Variants in FGF12 observed in about 807,000 individuals in gnomAD.
The protein encoded by FGF12 is fibroblast growth factor 12.
FGF12 carries 14 observed loss-of-function variants against 23.6 expected under a neutral mutation model. That is an observed-to-expected ratio of 0.59 (90% CI 0.39 to 0.93). FGF12 has a LOEUF of 0.93. Among genes scored for constraint, FGF12 ranks in the 40% least tolerant of loss-of-function variants. The pLI is 0.00. For synonymous variants in FGF12, 62 were observed against 77.3 expected (o/e 0.80, Z 1.04); for missense variants, 175 against 217.8 (o/e 0.80, Z 1.24).
intron 2 of FGF12, among the ~76,000 whole-genome samples, chr3:192,575,528 G>C (rs778131716): frequency 1.3e-5 from 2 of 152,168 alleles, no homozygotes; most frequent in Non-Finnish European, 2.9e-5. Flanking sequence ...GAAAGAGGAG[G>C]AAGAGGAGGA....
At chr3:192,165,279 T>C (rs993649976) in intron 5 of FGF12, among the ~76,000 whole-genome samples, 1 of 150,536 alleles carries the variant, frequency 6.6e-6, no homozygotes, top group Non-Finnish European at 1.5e-5. Context: ...ATGTAAGTTA[T>C]GGCTAGGATG....
intron 2 of FGF12, among the ~76,000 whole-genome samples, chr3:192,599,441 A>C (rs1714016228): frequency 6.6e-6 from 1 of 151,982 alleles, no homozygotes; most frequent in Non-Finnish European, 1.5e-5. Flanking sequence ...TACCTGTTAA[A>C]TGTTACCTAC....
At chr3:192,331,598 C>T (rs1717127038) in intron 4 of FGF12, among the ~76,000 whole-genome samples, 5 of 151,946 alleles carry the variant, frequency 3.3e-5, no homozygotes, top group Admixed American at 2.6e-4. Flanking sequence ...TTACAAAATG[C>T]ACAAATACTG....
intron 4 of FGF12, among the ~76,000 whole-genome samples, chr3:192,262,421 G>A (rs760432768): frequency 7.2e-4 from 109 of 152,258 alleles, no homozygotes; most frequent in Non-Finnish European, 1.4e-3. Context: ...AGATCTGACT[G>A]CAGACAGTTA....
chr3:192,672,302 T>A (rs1057127850), intron 2 of FGF12, among the ~76,000 whole-genome samples: 1 of 151,172 alleles, frequency 6.6e-6, no homozygotes, highest in South Asian at 2.1e-4. Context: ...AAAAATAAGA[T>A]TTTCCTGTTG....
At chr3:192,236,869 G>A (rs1167688674) in intron 4 of FGF12, among the ~76,000 whole-genome samples, 2 of 152,106 alleles carry the variant, frequency 1.3e-5, no homozygotes, top group African/African-American at 4.8e-5. Context: ...ATTTGATCCT[G>A]TCCTCATGTT....
chr3:192,561,776 C>T (rs542012140), intron 2 of FGF12, among the ~76,000 whole-genome samples: 1 of 152,118 alleles, frequency 6.6e-6, no homozygotes, highest in South Asian at 2.1e-4. Flanking sequence ...AAAATAGTAT[C>T]AGATTGTTTG....
chr3:192,548,025 C>T (rs997501513), intron 2 of FGF12, among the ~76,000 whole-genome samples: 6 of 152,128 alleles, frequency 3.9e-5, no homozygotes, highest in Non-Finnish European at 8.8e-5. Context: ...AAAAACTTTC[C>T]AACTACTACA....
At chr3:192,185,795 G>A (rs1716426838) in intron 4 of FGF12, among the ~76,000 whole-genome samples, 1 of 151,834 alleles carries the variant, frequency 6.6e-6, no homozygotes, top group Admixed American at 6.6e-5. Context: ...GGAGGCGGAG[G>A]TGGCAATGAG....
chr3:192,591,238 C>T (rs556787618), intron 2 of FGF12, among the ~76,000 whole-genome samples: 3 of 151,048 alleles, frequency 2.0e-5, no homozygotes, highest in African/African-American at 7.3e-5. Flanking sequence ...TACTTGAGTG[C>T]TCCTGGGGAT....
At chr3:192,650,597 G>A (rs144184521) in intron 2 of FGF12, among the ~76,000 whole-genome samples, 67 of 152,114 alleles carry the variant, frequency 4.4e-4, no homozygotes, top group Non-Finnish European at 4.4e-5. Flanking sequence ...TACATTTTTA[G>A]TCTGTCTATA....
rs533345381 is a variant in FGF12, at chr3:192,217,002, G to C, written c.229-46346C>G. Among the ~76,000 whole-genome samples, 10 of 152,264 alleles carry C rather than the reference G, an allele frequency of 6.6e-5. No homozygotes were observed. The South Asian group carries it at 2.1e-3, about 32-fold the overall frequency. On this transcript the variant is annotated intron_variant, in intron 4 of 5. Coordinates refer to ENST00000445105, the MANE Select transcript of FGF12 (RefSeq NM_004113.6). The stretch of plus-strand genomic sequence containing the variant: ...TTTTATTTATAATCTGTGCAGCAAG[G>C]AAAGCATGTTTACTGAGTGGCACTT...
chr3:192,200,956 A>G (rs766237823), intron 4 of FGF12, among the ~76,000 whole-genome samples: 42 of 152,174 alleles, frequency 2.8e-4, no homozygotes, highest in Middle Eastern at 3.2e-3. Flanking sequence ...AGAGATGGTA[A>G]AAGTATCCTG....
intron 2 of FGF12, among the ~76,000 whole-genome samples, chr3:192,430,699 G>A (rs1721836555): frequency 6.6e-6 from 1 of 152,120 alleles, no homozygotes; most frequent in Non-Finnish European, 1.5e-5. Context: ...GTCCTATTAT[G>A]CCTGAAGTAA....
chr3:192,642,291 C>T (rs1388830365), intron 2 of FGF12, among the ~76,000 whole-genome samples: 1 of 152,164 alleles, frequency 6.6e-6, no homozygotes, highest in Non-Finnish European at 1.5e-5. Context: ...GGAAACCAGG[C>T]TCCGAGAATT....
intron 4 of FGF12, among the ~76,000 whole-genome samples, chr3:192,254,874 A>G (rs1194931356): frequency 6.6e-6 from 1 of 152,108 alleles, no homozygotes; most frequent in East Asian, 1.9e-4. Flanking sequence ...ATGAACACAT[A>G]TAAAACTCCT....
intron 4 of FGF12, among the ~76,000 whole-genome samples, chr3:192,227,432 C>T (rs1718791955): frequency 6.6e-6 from 1 of 151,946 alleles, no homozygotes. Flanking sequence ...GACCATTAAG[C>T]AGTCAATATC....
In FGF12 at chr3:192,252,462, CAAAAAAAAAAAAAAAAAA is replaced by C. The variant is rs56920518; in HGVS notation, c.229-81824_229-81807del. Among the ~76,000 whole-genome samples, 4 of 27,494 alleles carry C rather than the reference CAAAAAAAAAAAAAAAAAA, an allele frequency of 1.5e-4. 1 individual carries two copies. Among genetic ancestry groups the C allele is most frequent in the East Asian group, 8.1e-4 (1 of 1,228 alleles). 18.0% of individuals were successfully genotyped at this position (27,494 alleles called of 152,430 possible). On this transcript the variant is annotated intron_variant, in intron 4 of 5. Transcript: ENST00000445105. ...TGGGTAATGGAGTGAGAATCTGTCT[CAAAAAAAAAAAAAAAAAA>C]AAAAAAAAAAAAAGAAAAGAGAAGA...
chr3:192,209,643 C>T (rs1469447881), intron 4 of FGF12, among the ~76,000 whole-genome samples: 1 of 152,188 alleles, frequency 6.6e-6, no homozygotes, highest in African/African-American at 2.4e-5. Flanking sequence ...TATCCCCTCA[C>T]ATCAGTACAG....
Sources: allele counts gnomAD v4.1 joint callset (sites outside exome capture counted in the v4.1 genomes callset), GRCh38; gene constraint gnomAD v4.1.1; transcripts MANE v1.5; gene names NCBI Gene and HGNC (gene_info 2026-07-23, HGNC 2026-07-21).